The following SUPT20H variants were observed in gnomAD, a reference collection of about 807,000 sequenced individuals.
The protein encoded by SUPT20H is transcription factor SPT20 homolog.
In SUPT20H, 82 loss-of-function variants were observed where a neutral mutation model predicts 122.8. That is an observed-to-expected ratio of 0.67 (90% CI 0.56 to 0.80). The LOEUF (loss-of-function observed/expected upper bound fraction) is 0.80, where lower values mean the gene tolerates loss of function less well. SUPT20H is among the 30% of genes least tolerant of loss of function. SUPT20H has a pLI of 0.00. For missense variants in SUPT20H, 831 were observed against 921.6 expected (o/e 0.90, Z 1.27); for synonymous variants, 291 against 313.0 (o/e 0.93, Z 0.74).
rs144767154 is a variant in SUPT20H at position 37,047,658 on chromosome 13, A to G, written c.99-57T>C. The G allele has an allele frequency of 2.5e-5, 32 of 1,302,272 alleles. No homozygotes were observed. In the African/African-American group the frequency reaches 4.1e-4, roughly 17 times the overall value. 80.7% of individuals were successfully genotyped at this position (1,302,272 alleles called of 1,614,324 possible). On this transcript the variant is annotated intron_variant, in intron 4 of 25. Coordinates refer to ENST00000350612, the MANE Select transcript of SUPT20H (RefSeq NM_001014286.3). Reference sequence around the variant, plus strand: ...ATGTTAACAGAGTAATCATCATGACATGAATGTTATTTAATTTTTTCCTAA... The same window carrying G: ...ATGTTAACAGAGTAATCATCATGACGTGAATGTTATTTAATTTTTTCCTAA...
chr13:37,012,118 A>T, intron 24 of SUPT20H, 74 bp downstream of exon 24: 2 of 1,195,486 alleles, frequency 1.7e-6, no homozygotes, highest in Non-Finnish European at 2.4e-6. Context: ...AAAGAAAATA[A>T]TTTAAGCGGT....
intron 24 of SUPT20H, among the ~76,000 whole-genome samples, chr13:37,011,740 A>T (rs545668959): frequency 1.3e-5 from 2 of 152,196 alleles, no homozygotes; most frequent in Admixed American, 1.3e-4. Context: ...CTTTTTTTTT[A>T]AATGATAAAA....
At position 37,021,532 on chromosome 13, in the gene SUPT20H, C is replaced by T; in HGVS notation, c.1732G>A (p.Gly578Arg). ...GCNTGAITPA[G>R]INLSGLLPSG... The stretch of plus-strand genomic sequence containing the variant: ...GGTAGAAGGCCGCTCAGGTTTATTC[C>T]TGCAGGAGTTATGGCACCAGTGTTA... Residue 578 changes from glycine to arginine, a missense_variant, in exon 21 of 26, where the codon GGA becomes AGA. Transcript: ENST00000350612. 6.2e-7 allele frequency: 1 copy of T among 1,613,748 alleles called. No homozygotes were observed.
chr13:37,047,686 T>A lies in SUPT20H; in HGVS notation c.99-85A>T. The A allele has an allele frequency of 7.1e-6, 9 of 1,267,466 alleles. No individual in the cohort carries two copies. The South Asian group carries it at 1.6e-4, about 23-fold the overall frequency. 78.5% of individuals were successfully genotyped at this position (1,267,466 alleles called of 1,614,324 possible). Reference sequence around the variant, plus strand: ...AATGTTATTTAATTTTTTCCTAAATTTTCACATTTTTGCCTCAATTTCCCA... The same window carrying A: ...AATGTTATTTAATTTTTTCCTAAATATTCACATTTTTGCCTCAATTTCCCA... On this transcript the variant is annotated intron_variant, in intron 4 of 25. Coordinates refer to ENST00000350612, the MANE Select transcript of SUPT20H (RefSeq NM_001014286.3).
chr13:37,039,327 A>T (rs1459830463), intron 9 of SUPT20H: 1 of 152,248 alleles, frequency 6.6e-6, no homozygotes, highest in Non-Finnish European at 1.5e-5. Flanking sequence ...CATTCTTTCC[A>T]GTATAATCCT....
chr13:37,028,084 T>C lies in SUPT20H; in HGVS notation c.1151+64A>G, dbSNP rs369341427. ...TATTCATTAATGGTTCATCAGTAGTTACTAGATAAATTCTTGGTGCCTTAT... is the reference window on the plus strand; with the variant it reads ...TATTCATTAATGGTTCATCAGTAGTCACTAGATAAATTCTTGGTGCCTTAT... On this transcript the variant is annotated intron_variant, in intron 14 of 25. Transcript: ENST00000350612. 5.1e-5 allele frequency: 73 copies of C among 1,417,738 alleles called. No individual in the cohort carries two copies. The East Asian group carries it at 1.1e-3, about 21-fold the overall frequency. The allele number at this position is 1,417,738 out of a possible 1,614,324, so 87.8% of individuals were successfully genotyped here.
At chr13:37,055,475 C>G (rs1023264452) in intron 1 of SUPT20H, among the ~76,000 whole-genome samples, 1 of 152,118 alleles carries the variant, frequency 6.6e-6, no homozygotes, top group African/African-American at 2.4e-5. Flanking sequence ...TATCTACAAC[C>G]ATCTGATCTT....
Position 37,045,339 on chromosome 13 carries a change from A to C in SUPT20H, c.200T>G (p.Leu67Arg). 6.2e-7 allele frequency: 1 copy of C among 1,613,656 alleles called. No individual in the cohort carries two copies. Among genetic ancestry groups the C allele is most frequent in the East Asian group, 2.2e-5 (1 of 44,840 alleles). ...LRRNVNLLEK[L>R]VMQETLSCLV... is the part of the protein sequence containing the mutation. ...ACATGACAAAGTCTCTTGCATAACA[A>C]GCTTCTCTAACAAGTTCACATTTCT... The change falls in exon 6 of 26, where the codon CTT (leucine) becomes CGT (arginine). Residue 67 changes from leucine (L) to arginine (R), a missense_variant. Physicochemically the swap from Leu to Arg is moderately radical, Grantham distance 102. Coordinates refer to ENST00000350612, the MANE Select transcript of SUPT20H (RefSeq NM_001014286.3).
At chr13:37,040,374 C>T in intron 9 of SUPT20H, 31 bp downstream of exon 9, 2 of 1,538,698 alleles carry the variant, frequency 1.3e-6, no homozygotes, top group East Asian at 2.3e-5. Context: ...TATATTTTGC[C>T]TGTTTGAGAT....
chr13:37,032,905 T>C (rs890404877), intron 10 of SUPT20H, among the ~76,000 whole-genome samples: 1 of 152,188 alleles, frequency 6.6e-6, no homozygotes. Context: ...TTCTAAAAAC[T>C]ATGATCATAT....
chr13:37,020,218 A>T (rs1168930292), intron 21 of SUPT20H, among the ~76,000 whole-genome samples: 11 of 150,316 alleles, frequency 7.3e-5, no homozygotes, highest in African/African-American at 9.7e-5. Flanking sequence ...TTTTTTTTTT[A>T]AAGATTTAAG....
intron 13 of SUPT20H, 72 bp from the exon 14 acceptor site, chr13:37,028,377 G>A: frequency 1.5e-6 from 2 of 1,377,838 alleles, no homozygotes; most frequent in Non-Finnish European, 2.0e-6. Context: ...TAAAAATCAG[G>A]AATAAATGAT....
chr13:37,055,186 T>C (rs1230121456), intron 1 of SUPT20H, among the ~76,000 whole-genome samples: 1 of 152,190 alleles, frequency 6.6e-6, no homozygotes, highest in Non-Finnish European at 1.5e-5. Flanking sequence ...AAAATCGCCA[T>C]ATTGCTCAAG....
chr13:37,018,841 G>A (rs896019533), intron 22 of SUPT20H, among the ~76,000 whole-genome samples: 1 of 152,032 alleles, frequency 6.6e-6, no homozygotes, highest in Non-Finnish European at 1.5e-5. Flanking sequence ...TAGTGATGGG[G>A]TTTTACCATA....
At chr13:37,019,044 C>T (rs1348032322) in intron 22 of SUPT20H, among the ~76,000 whole-genome samples, 1 of 152,166 alleles carries the variant, frequency 6.6e-6, no homozygotes, top group African/African-American at 2.4e-5. Context: ...CAATTATTTT[C>T]TAAATACATC....
intron 4 of SUPT20H, 26 bp from the exon 5 acceptor site, chr13:37,047,627 T>C: frequency 7.4e-7 from 1 of 1,351,406 alleles, no homozygotes; most frequent in Non-Finnish European, 9.9e-7. Flanking sequence ...GAAACAAATA[T>C]ATAAAATGTT....
rs769470962 is a variant in SUPT20H, at chr13:37,028,225, A to G, written c.1074T>C (p.Leu358=). Residue 358 remains leucine, a synonymous_variant, in exon 14 of 26, where the codon CTT becomes CTC. Coordinates refer to ENST00000350612, the MANE Select transcript of SUPT20H (RefSeq NM_001014286.3). ...QKTKLTILQS[L]GDPLYYGKIQ... ...TTTTACCATAGTAAAGTGGATCTCC[A>G]AGCGACTGCAAGATGGTCAGCTTTG... 4 of 1,613,438 alleles carry G rather than the reference A, an allele frequency of 2.5e-6. No individual in the cohort carries two copies. Among genetic ancestry groups the G allele is most frequent in the Non-Finnish European group, 2.5e-6 (3 of 1,179,760 alleles).
intron 7 of SUPT20H, among the ~76,000 whole-genome samples, chr13:37,041,636 C>G (rs2138672452): frequency 6.6e-6 from 1 of 152,202 alleles, no homozygotes; most frequent in Middle Eastern, 3.4e-3. Context: ...ATGTTTTTCA[C>G]CCATTCAGAA....
At chr13:37,017,667 A>G (rs2060751196) in intron 22 of SUPT20H, among the ~76,000 whole-genome samples, 1 of 152,194 alleles carries the variant, frequency 6.6e-6, no homozygotes, top group South Asian at 2.1e-4. Flanking sequence ...CTTTTTATAC[A>G]TCAATACAAA....
Sources: allele counts gnomAD v4.1 joint callset (sites outside exome capture counted in the v4.1 genomes callset), GRCh38; gene constraint gnomAD v4.1.1; transcripts MANE v1.5; gene names NCBI Gene and HGNC (gene_info 2026-07-23, HGNC 2026-07-21).